SLC25A26: variants seen among roughly 807,000 people sequenced by gnomAD.
SLC25A26 encodes the protein mitochondrial S-adenosylmethionine carrier protein.
In SLC25A26, 36 loss-of-function variants were observed where a neutral mutation model predicts 37.8. That is an observed-to-expected ratio of 0.95 (90% confidence interval 0.73 to 1.26). The LOEUF is 1.26. Among genes scored for constraint, SLC25A26 ranks in the 50% most tolerant of loss-of-function variants. The pLI is 0.00. For missense variants in SLC25A26, 390 were observed against 331.1 expected (o/e 1.18, Z -1.38); for synonymous variants, 129 against 122.5 (o/e 1.05, Z -0.35).
At position 66,377,675 on chromosome 3, in the gene SLC25A26, T is replaced by C; in HGVS notation, c.708-15T>C. 6.3e-7 allele frequency: 1 copy of C among 1,598,972 alleles called. No individual in the cohort carries two copies. Among genetic ancestry groups the C allele is most frequent in the South Asian group, 1.1e-5 (1 of 90,734 alleles). On this transcript the variant is annotated splice_polypyrimidine_tract_variant and intron_variant, in intron 9 of 9. Transcript: ENST00000354883. ...AAAATACGCACAACATTAAAAATCC[T>C]GTTTTTTCCCCTAGATTATTTGCAG...
chr3:66,292,894 C>T (rs556899431), intron 5 of SLC25A26, among the ~76,000 whole-genome samples: 201 of 152,260 alleles, frequency 1.3e-3, no homozygotes, highest in African/African-American at 4.5e-3. Flanking sequence ...CAACTTTGTT[C>T]CATTCTCCCC....
intron 1 of SLC25A26, among the ~76,000 whole-genome samples, chr3:66,230,455 G>C (rs550482745): frequency 1.6e-4 from 25 of 152,176 alleles, no homozygotes; most frequent in Middle Eastern, 3.4e-3. Flanking sequence ...ATGTATGTAG[G>C]GGGGTGGAGG....
intron 2 of SLC25A26, among the ~76,000 whole-genome samples, chr3:66,237,117 C>T (rs1576681372): frequency 6.6e-6 from 1 of 152,050 alleles, no homozygotes; most frequent in African/African-American, 2.4e-5. Flanking sequence ...GGATTATAGT[C>T]GGCATGAGCC....
chr3:66,248,429 T>C (rs372260784), intron 3 of SLC25A26, among the ~76,000 whole-genome samples: 5 of 152,286 alleles, frequency 3.3e-5, no homozygotes, highest in African/African-American at 1.2e-4. Context: ...AAGTAGAATC[T>C]GTAATTAGAT....
chr3:66,357,783 C>T (rs1290017923), intron 6 of SLC25A26, among the ~76,000 whole-genome samples: 5 of 151,490 alleles, frequency 3.3e-5, no homozygotes, highest in Non-Finnish European at 5.9e-5. Context: ...TATTTAATAA[C>T]GTGTGTATTA....
intron 1 of SLC25A26, among the ~76,000 whole-genome samples, chr3:66,171,101 C>T (rs1158683414): frequency 6.6e-6 from 1 of 152,156 alleles, no homozygotes; most frequent in Non-Finnish European, 1.5e-5. Context: ...CCGCGCCCGG[C>T]CGTGATTATT....
intron 5 of SLC25A26, among the ~76,000 whole-genome samples, chr3:66,345,479 GTCC>G (rs1028849724): frequency 3.4e-5 from 5 of 146,768 alleles, no homozygotes; most frequent in African/African-American, 1.0e-4. Flanking sequence ...TCTGTCTTCT[GTCC>G]TCCTCCTCTC....
intron 2 of SLC25A26, 96 bp from the exon 3 acceptor site, chr3:66,243,107 T>A: frequency 1.5e-6 from 1 of 649,522 alleles, no homozygotes; most frequent in East Asian, 2.6e-5. Context: ...ATCTCATAAT[T>A]TAATAATTAT....
chr3:66,316,898 A>G (rs377506458), intron 5 of SLC25A26, among the ~76,000 whole-genome samples: 3 of 152,084 alleles, frequency 2.0e-5, no homozygotes, highest in South Asian at 2.1e-4. Flanking sequence ...CTATTCAGCT[A>G]TTGATACTTG....
At chr3:66,323,031 A>G (rs6782968) in intron 5 of SLC25A26, among the ~76,000 whole-genome samples, 7,294 of 152,306 alleles carry the variant, frequency 0.048, 233 homozygotes, top group South Asian at 0.076. Context: ...AAAGGTTTCT[A>G]TTGAAAATGA....
chr3:66,248,040 A>T (rs1230013531), intron 3 of SLC25A26, among the ~76,000 whole-genome samples: 1 of 152,208 alleles, frequency 6.6e-6, no homozygotes, highest in Non-Finnish European at 1.5e-5. Flanking sequence ...GCTTTGATAG[A>T]TTATTATGTT....
At chr3:66,176,051 C>G (rs1353120614) in intron 1 of SLC25A26, among the ~76,000 whole-genome samples, 2 of 152,118 alleles carry the variant, frequency 1.3e-5, no homozygotes, top group Non-Finnish European at 2.9e-5. Context: ...AGAAAACCAT[C>G]AATGCACTTG....
intron 7 of SLC25A26, among the ~76,000 whole-genome samples, chr3:66,366,947 C>A (rs2076836324): frequency 1.3e-5 from 2 of 152,168 alleles, no homozygotes; most frequent in South Asian, 4.1e-4. Context: ...AATGAAAGTG[C>A]CTAGTGCATT....
intron 9 of SLC25A26, among the ~76,000 whole-genome samples, chr3:66,375,086 C>T (rs114168360): frequency 1.3e-4 from 20 of 152,108 alleles, no homozygotes; most frequent in Non-Finnish European, 2.4e-4. Context: ...ATTGCACATA[C>T]GAAGAAAGTT....
intron 2 of SLC25A26, among the ~76,000 whole-genome samples, chr3:66,240,915 T>G (rs2072550830): frequency 6.6e-6 from 1 of 151,868 alleles, no homozygotes; most frequent in Non-Finnish European, 1.5e-5. Flanking sequence ...CCGGCTAATT[T>G]TTTTGTATTT....
chr3:66,142,561 A>G (rs754610859), intron 1 of SLC25A26, among the ~76,000 whole-genome samples: 1 of 152,214 alleles, frequency 6.6e-6, no homozygotes, highest in Non-Finnish European at 1.5e-5. Context: ...TCGGAGAAGA[A>G]CCTGAACAAA....
intron 1 of SLC25A26, among the ~76,000 whole-genome samples, chr3:66,224,767 AAAGC>A (rs1553659841): frequency 6.6e-6 from 1 of 152,236 alleles, no homozygotes; most frequent in Non-Finnish European, 1.5e-5. Flanking sequence ...TGTAAAATGA[AAAGC>A]AAGTTAATTA....
At chr3:66,276,957 GAAA>G (rs56071860) in intron 5 of SLC25A26, among the ~76,000 whole-genome samples, 2 of 124,554 alleles carry the variant, frequency 1.6e-5, no homozygotes, top group Non-Finnish European at 1.8e-5. Flanking sequence ...GGCACTGTTT[GAAA>G]AAAAAAAAAA....
At chr3:66,371,557 A>AG in intron 9 of SLC25A26, 7 of 1,120,362 alleles carry the variant, frequency 6.2e-6, no homozygotes, top group Non-Finnish European at 4.7e-6. Context: ...GGGGGTGTGA[A>AG]GGGTGTCACG....
Sources: allele counts gnomAD v4.1 joint callset (sites outside exome capture counted in the v4.1 genomes callset), GRCh38; gene constraint gnomAD v4.1.1; transcripts MANE v1.5; gene names NCBI Gene and HGNC (gene_info 2026-07-23, HGNC 2026-07-21).